The following CSMD3 variants were observed in gnomAD, a reference collection of about 807,000 sequenced individuals.
CSMD3 encodes CUB and sushi domain-containing protein 3.
A neutral mutation model predicts 435.2 loss-of-function variants in CSMD3; 177 were observed. The observed-to-expected ratio is 0.41, with a 90% CI of 0.36 to 0.46. CSMD3 has a LOEUF of 0.46. Among genes scored for constraint, CSMD3 ranks in the 20% least tolerant of loss-of-function variants. The pLI is 0.34. For missense variants in CSMD3, 4,265 were observed against 4,504.6 expected (o/e 0.95, Z 1.52); for synonymous variants, 1,656 against 1,520.5 (o/e 1.09, Z -2.07).
At chr8:113,389,722 C>T (rs2094453777) in intron 1 of CSMD3, among the ~76,000 whole-genome samples, 1 of 151,678 alleles carries the variant, frequency 6.6e-6, no homozygotes, top group African/African-American at 2.4e-5. Flanking sequence ...ATTACTTAAT[C>T]AATTTAAGAC....
At chr8:113,129,265 C>T (rs1046276691) in intron 4 of CSMD3, among the ~76,000 whole-genome samples, 2 of 152,030 alleles carry the variant, frequency 1.3e-5, no homozygotes, top group African/African-American at 2.4e-5. Flanking sequence ...ATATTCCCAC[C>T]ATTTGAAGGC....
intron 15 of CSMD3, among the ~76,000 whole-genome samples, chr8:112,684,393 C>G (rs957330680): frequency 6.6e-6 from 1 of 152,012 alleles, no homozygotes; most frequent in Non-Finnish European, 1.5e-5. Context: ...CAAAGCTTAA[C>G]ATTGAATAGG....
intron 10 of CSMD3, among the ~76,000 whole-genome samples, chr8:112,908,594 GA>G (rs2082324872): frequency 6.6e-6 from 1 of 151,282 alleles, no homozygotes; most frequent in Non-Finnish European, 1.5e-5. Flanking sequence ...CCTTAATGAG[GA>G]AAAAAATAGG....
chr8:112,423,538 C>T (rs554977724), intron 32 of CSMD3, among the ~76,000 whole-genome samples: 2 of 152,104 alleles, frequency 1.3e-5, no homozygotes, highest in South Asian at 2.1e-4. Context: ...CAGCCTTAAC[C>T]TCCTGGGCTC....
At chr8:112,827,206 T>TATATATATAA (rs1564000450) in intron 12 of CSMD3, among the ~76,000 whole-genome samples, 10 of 132,746 alleles carry the variant, frequency 7.5e-5, no homozygotes, top group African/African-American at 2.6e-4. Flanking sequence ...TATATATATA[T>TATATATATAA]AATCTTTCTA....
chr8:113,046,318 G>C lies in CSMD3; in HGVS notation c.918-27139C>G, dbSNP rs147897504. Among the ~76,000 whole-genome samples, 61 of 149,024 alleles carry C rather than the reference G, an allele frequency of 4.1e-4. No homozygotes were observed. The East Asian group carries it at 5.6e-3, about 14-fold the overall frequency. The stretch of plus-strand genomic sequence containing the variant: ...CTCTTGCGGAGTTTTAAAAAAGAAA[G>C]AAACAAACAACAACAACAAAACAAA... On this transcript the variant is annotated intron_variant, in intron 5 of 70. Coordinates refer to ENST00000297405, the MANE Select transcript of CSMD3 (RefSeq NM_198123.2).
intron 69 of CSMD3, among the ~76,000 whole-genome samples, chr8:112,229,127 A>G (rs1812845389): frequency 6.6e-6 from 1 of 152,198 alleles, no homozygotes; most frequent in South Asian, 2.1e-4. Context: ...CCCCGAACTA[A>G]GGAGTTTATA....
At position 112,980,577 on chromosome 8, in the gene CSMD3, C is replaced by G. The variant is rs149821480; in HGVS notation, c.1031-4429G>C. 5.5e-4 allele frequency among the ~76,000 whole-genome samples: 83 copies of G among 151,362 alleles called. No homozygotes were observed. In the East Asian group the frequency reaches 0.013, roughly 24 times the overall value. On this transcript the variant is annotated intron_variant, in intron 6 of 70. Transcript: ENST00000297405. ...AATACTACGACTAATTCTATTCAAG[C>G]CATCATTTGGAGAGTCATTAGCATA...
chr8:112,464,007 C>T (rs1172585868), intron 32 of CSMD3, among the ~76,000 whole-genome samples: 2 of 151,974 alleles, frequency 1.3e-5, no homozygotes, highest in Admixed American at 6.6e-5. Flanking sequence ...GAGGCCGAGG[C>T]GGGCAGATCA....
intron 5 of CSMD3, among the ~76,000 whole-genome samples, chr8:113,057,723 A>C (rs1184131137): frequency 6.6e-6 from 1 of 151,944 alleles, no homozygotes; most frequent in Non-Finnish European, 1.5e-5. Flanking sequence ...CTATACATAA[A>C]ATGAAAAGCT....
intron 3 of CSMD3, among the ~76,000 whole-genome samples, chr8:113,253,614 G>C (rs2093353405): frequency 6.6e-6 from 1 of 151,892 alleles, no homozygotes; most frequent in Non-Finnish European, 1.5e-5. Flanking sequence ...GGCCGAGGCG[G>C]GCAGATAACG....
intron 11 of CSMD3, among the ~76,000 whole-genome samples, chr8:112,843,941 A>G (rs1481700771): frequency 2.0e-5 from 3 of 152,020 alleles, no homozygotes; most frequent in Middle Eastern, 3.4e-3. Flanking sequence ...TTGTTACAGT[A>G]GCAATGGAAC....
intron 22 of CSMD3, among the ~76,000 whole-genome samples, chr8:112,599,087 A>C (rs1464088535): frequency 1.3e-5 from 2 of 149,018 alleles, no homozygotes; most frequent in Non-Finnish European, 3.0e-5. Flanking sequence ...CAGGCAACCT[A>C]CAACATGGGA....
chr8:113,303,899 A>C (rs939534819), intron 2 of CSMD3, among the ~76,000 whole-genome samples: 1 of 137,368 alleles, frequency 7.3e-6, no homozygotes, highest in African/African-American at 2.7e-5. Context: ...AACAAAAGAC[A>C]AAATTGAAAA....
At chr8:112,604,202 A>G (rs1292895648) in intron 22 of CSMD3, among the ~76,000 whole-genome samples, 2 of 152,164 alleles carry the variant, frequency 1.3e-5, no homozygotes, top group Non-Finnish European at 2.9e-5. Flanking sequence ...CAAAAAGTTC[A>G]GAAGACCTTA....
intron 5 of CSMD3, among the ~76,000 whole-genome samples, chr8:113,033,438 T>C (rs2087205925): frequency 6.6e-6 from 1 of 151,694 alleles, no homozygotes; most frequent in Non-Finnish European, 1.5e-5. Context: ...ATTTAATGAC[T>C]GCCCCAACAG....
intron 32 of CSMD3, among the ~76,000 whole-genome samples, chr8:112,470,588 A>G (rs888938078): frequency 1.7e-4 from 26 of 152,210 alleles, no homozygotes; most frequent in African/African-American, 5.5e-4. Flanking sequence ...TCGTTAACCC[A>G]ATGATATTAA....
chr8:112,899,852 C>CAG (rs1166566767), intron 10 of CSMD3, among the ~76,000 whole-genome samples: 1 of 147,288 alleles, frequency 6.8e-6, no homozygotes, highest in Non-Finnish European at 1.5e-5. Flanking sequence ...GAGAGAGAGT[C>CAG]AGAGAGAGAG....
intron 45 of CSMD3, among the ~76,000 whole-genome samples, chr8:112,332,585 A>G (rs1824171384): frequency 6.6e-6 from 1 of 152,190 alleles, no homozygotes. Context: ...CTATTAGGCT[A>G]GAGAAATTTA....
Sources: gnomAD v4.1 joint callset for allele counts (sites outside exome capture counted in the v4.1 genomes callset) on GRCh38, gnomAD v4.1.1 for gene constraint, MANE v1.5 for transcripts, NCBI Gene and HGNC (gene_info 2026-07-23, HGNC 2026-07-21) for gene names.